FBN1: variants seen among roughly 807,000 people sequenced by gnomAD.
FBN1 encodes fibrillin-1.
A neutral mutation model predicts 365.1 loss-of-function variants in FBN1; 29 were observed. That is an observed-to-expected ratio of 0.08 (90% CI 0.06 to 0.11). The LOEUF is 0.11. Ranked by LOEUF, FBN1 falls within the 10% of genes least tolerant of loss-of-function variation. The probability of loss-of-function intolerance (pLI) is 1.00; values close to 1 mark genes in which losing one functional copy is unlikely to be tolerated. For synonymous variants in FBN1, 1,210 were observed against 1,270.5 expected (o/e 0.95, Z 1.01); for missense variants, 2,476 against 3,703.2 (o/e 0.67, Z 8.60).
chr15:48,437,698 C>T, intron 51 of FBN1, 70 bp downstream of exon 51: 1 of 1,499,680 alleles, frequency 6.7e-7, no homozygotes, highest in Non-Finnish European at 9.3e-7. Flanking sequence ...TTAAGGCCTA[C>T]AGTCTTACTT....
At chr15:48,444,028 C>G (rs73392142) in intron 49 of FBN1, among the ~76,000 whole-genome samples, 4,718 of 152,056 alleles carry the variant, frequency 0.031, 246 homozygotes, top group African/African-American at 0.1. Context: ...AAGACCCTGT[C>G]TCCATTAAAA....
Position 48,515,419 on chromosome 15 carries a change from C to A in FBN1, c.1436G>T (p.Gly479Val), listed in dbSNP as rs1247260475. 2 of 1,613,818 alleles carry A rather than the reference C, an allele frequency of 1.2e-6. No individual in the cohort carries two copies. The highest frequency in any genetic ancestry group is 1.3e-5 in the African/African-American group (1 of 74,864). Residue 479 changes from glycine (G) to valine (V), a missense_variant, in exon 12 of 66, where the codon GGG (glycine) becomes GTG (valine). By Grantham distance (109) the Gly-to-Val change is moderately radical (BLOSUM62 -3). Coordinates refer to ENST00000316623, the MANE Select transcript of FBN1 (RefSeq NM_000138.5). ...CTCCCCACGGAGGTCCAGCTGGAAC[C>A]CTTTGTTGCACTCACACCGGTAACT... The part of the protein sequence containing the change: ...PGSYRCECNK[G>V]FQLDLRGECI...
At chr15:48,502,725 T>A (rs935605525) in intron 17 of FBN1, among the ~76,000 whole-genome samples, 1 of 152,216 alleles carries the variant, frequency 6.6e-6, no homozygotes, top group Non-Finnish European at 1.5e-5. Flanking sequence ...AGGCAACTCA[T>A]TTTGTAGATG....
chr15:48,554,062 T>A (rs2044162271), intron 6 of FBN1, among the ~76,000 whole-genome samples: 1 of 152,224 alleles, frequency 6.6e-6, no homozygotes, highest in Non-Finnish European at 1.5e-5. Flanking sequence ...AGTGGCAGAA[T>A]GAGAATTCAG....
In FBN1 at chr15:48,505,127, G is replaced by A. The variant is rs1220853793; in HGVS notation, c.1858C>T (p.Pro620Ser). 3 of 1,613,954 alleles carry A rather than the reference G, an allele frequency of 1.9e-6. No individual in the cohort carries two copies. The East Asian group carries it at 6.7e-5, about 36-fold the overall frequency. The change falls in exon 16 of 66, where the codon CCT becomes TCT. Residue 620 changes from proline to serine, a missense_variant. Physicochemically the swap from Pro to Ser is moderately conservative, Grantham distance 74. Transcript: ENST00000316623. The part of the protein sequence containing the change: ...YCKDINECET[P>S]GICMNGRCVN... ...CAACGCCCATTCATGCAGATCCCAG[G>A]GGTTTCACACTCGTTAATGTCTGTG...
In FBN1 at chr15:48,546,682, A is replaced by G. The variant is rs192261312; in HGVS notation, c.539-8874T>C. On this transcript the variant is annotated intron_variant, in intron 6 of 65. Coordinates refer to ENST00000316623, the MANE Select transcript of FBN1 (RefSeq NM_000138.5). ...TGAAAATAAAAGCCACTGTTATTTG[A>G]GAAGTGTGCTCCTTTAAGGGCTCAG... 7.4e-3 allele frequency among the ~76,000 whole-genome samples: 1,125 copies of G among 152,302 alleles called. 3 individuals carry two copies. The highest frequency in any genetic ancestry group is 0.013 in the Non-Finnish European group (868 of 68,010).
At chr15:48,460,470 G>A (rs984677050) in intron 42 of FBN1, among the ~76,000 whole-genome samples, 153 bp from the exon 43 acceptor site, 1 of 152,208 alleles carries the variant, frequency 6.6e-6, no homozygotes, top group Non-Finnish European at 1.5e-5. Context: ...AATTCCTACA[G>A]ATATAATCTT....
In FBN1 at chr15:48,589,886, G is replaced by A. The variant is rs28447321; in HGVS notation, c.538+6397C>T. 2.9e-3 allele frequency among the ~76,000 whole-genome samples: 441 copies of A among 152,164 alleles called. 3 individuals are homozygous for A. Among genetic ancestry groups the A allele is most frequent in the African/African-American group, 0.01 (426 of 41,444 alleles). On this transcript the variant is annotated intron_variant, in intron 6 of 65. Transcript: ENST00000316623. Reference sequence around the variant, plus strand: ...CTGCCCCGGCCTCCCAAAGTGCTGGGATTACAGGCGTGAGCCACCACGCCC... The same window carrying A: ...CTGCCCCGGCCTCCCAAAGTGCTGGAATTACAGGCGTGAGCCACCACGCCC...
Position 48,441,795 on chromosome 15 carries a change from C to G in FBN1, c.6089G>C (p.Ser2030Thr), listed in dbSNP as rs754418726. The change falls in exon 50 of 66, where the codon AGT becomes ACT. Residue 2030 changes from serine (S) to threonine (T), a missense_variant. Coordinates refer to ENST00000316623, the MANE Select transcript of FBN1 (RefSeq NM_000138.5). ...ACATTTGAAGCTGCCTTCAGTGTTA[C>G]TGCATGTGCCCAGGGCACAAATTTC... ...EPEICALGTC[S>T]NTEGSFKCLC... 1.9e-6 allele frequency: 3 copies of G among 1,613,632 alleles called. No homozygotes were observed. The South Asian group carries it at 3.3e-5, about 18-fold the overall frequency.
At chr15:48,474,217 G>A (rs1017500335) in intron 34 of FBN1, 38 bp downstream of exon 34, 1 of 1,613,520 alleles carries the variant, frequency 6.2e-7, no homozygotes, top group South Asian at 1.1e-5. Flanking sequence ...TGGCTTCTCT[G>A]ACTAGTGTTG....
intron 12 of FBN1, 141 bp from the exon 13 acceptor site, chr15:48,513,809 A>C (rs1443556561): frequency 1.0e-6 from 1 of 952,604 alleles, no homozygotes; most frequent in East Asian, 2.6e-5. Flanking sequence ...TTTTCTTTCC[A>C]CTACAATATG....
At chr15:48,449,454 A>G (rs1054041033) in intron 45 of FBN1, among the ~76,000 whole-genome samples, 5 of 152,134 alleles carry the variant, frequency 3.3e-5, no homozygotes, top group Admixed American at 1.3e-4. Flanking sequence ...GGCTCCTTTT[A>G]GCATGTGACA....
At chr15:48,594,792 C>T (rs531600417) in intron 6 of FBN1, among the ~76,000 whole-genome samples, 2 of 152,220 alleles carry the variant, frequency 1.3e-5, no homozygotes, top group South Asian at 4.2e-4. Context: ...AGTGATTTTT[C>T]TAAAACAAAT....
intron 6 of FBN1, among the ~76,000 whole-genome samples, chr15:48,560,310 T>G (rs950492680): frequency 1.3e-5 from 2 of 152,200 alleles, no homozygotes; most frequent in Non-Finnish European, 2.9e-5. Context: ...CTTTACCACC[T>G]ACAAGCCTTA....
chr15:48,448,735 A>G, intron 46 of FBN1, 33 bp downstream of exon 46: 1 of 1,601,666 alleles, frequency 6.2e-7, no homozygotes, highest in Non-Finnish European at 8.5e-7. Flanking sequence ...TTTCAACAGC[A>G]TATGAAAAAA....
At chr15:48,594,570 C>A (rs1332639450) in intron 6 of FBN1, among the ~76,000 whole-genome samples, 5 of 152,116 alleles carry the variant, frequency 3.3e-5, no homozygotes, top group African/African-American at 1.2e-4. Context: ...GTAATTTAAC[C>A]CATTCAGGAC....
chr15:48,433,208 C>G (rs2043037530), intron 54 of FBN1, among the ~76,000 whole-genome samples: 1 of 152,164 alleles, frequency 6.6e-6, no homozygotes, highest in Non-Finnish European at 1.5e-5. Context: ...GTTCTCCCAG[C>G]ACAGTCCCAG....
intron 6 of FBN1, among the ~76,000 whole-genome samples, chr15:48,565,612 A>C (rs889869226): frequency 2.0e-5 from 3 of 147,452 alleles, no homozygotes; most frequent in Non-Finnish European, 4.4e-5. Context: ...TATTTAAATG[A>C]TGTTCAATGT....
At chr15:48,568,049 G>GAAAGAAAGAAAGAAAGAAAGAAGAAAGA (rs369157930) in intron 6 of FBN1, among the ~76,000 whole-genome samples, 48 of 40,088 alleles carry the variant, frequency 1.2e-3, no homozygotes, top group East Asian at 2.1e-3. Context: ...AAGAAAGAAA[G>GAAAGAAAGAAAGAAAGAAAGAAGAAAGA]AAGAAAGAAA....
Sources: gnomAD v4.1 joint callset for allele counts (sites outside exome capture counted in the v4.1 genomes callset) on GRCh38, gnomAD v4.1.1 for gene constraint, MANE v1.5 for transcripts, NCBI Gene and HGNC (gene_info 2026-07-23, HGNC 2026-07-21) for gene names.